Variants in ME3 observed in about 807,000 individuals in gnomAD.
The protein encoded by ME3 is malic enzyme 3.
In ME3, 48 loss-of-function variants were observed where a neutral mutation model predicts 68.9. The observed-to-expected ratio is 0.70, with a 90% CI of 0.55 to 0.89. The LOEUF is 0.89. Among genes scored for constraint, ME3 ranks in the 40% least tolerant of loss-of-function variants. The pLI is 0.00. For missense variants in ME3, 675 were observed against 797.4 expected (o/e 0.85, Z 1.85); for synonymous variants, 320 against 318.8 (o/e 1.00, Z -0.04).
At chr11:86,639,387 T>A (rs1054197280) in intron 2 of ME3, among the ~76,000 whole-genome samples, 2 of 152,214 alleles carry the variant, frequency 1.3e-5, no homozygotes, top group Non-Finnish European at 2.9e-5. Flanking sequence ...AGTGCTCAGT[T>A]TCTTGAAACA....
intron 7 of ME3, among the ~76,000 whole-genome samples, chr11:86,471,965 G>A (rs543181785): frequency 6.6e-6 from 1 of 152,324 alleles, no homozygotes; most frequent in African/African-American, 2.4e-5. Context: ...ATATGTGCCA[G>A]GTACATGGGA....
At chr11:86,454,395 C>T (rs966127348) in intron 8 of ME3, among the ~76,000 whole-genome samples, 15 of 152,122 alleles carry the variant, frequency 9.9e-5, no homozygotes, top group African/African-American at 3.6e-4. Flanking sequence ...TGGAAATAAC[C>T]TACACATCTA....
At chr11:86,574,929 A>C (rs1017840472) in intron 2 of ME3, among the ~76,000 whole-genome samples, 1 of 117,920 alleles carries the variant, frequency 8.5e-6, no homozygotes, top group African/African-American at 4.0e-5. Flanking sequence ...GTATCTGCAA[A>C]TTCCAAGGAT....
chr11:86,476,266 A>C (rs757379754), intron 7 of ME3, among the ~76,000 whole-genome samples: 2 of 152,208 alleles, frequency 1.3e-5, no homozygotes, highest in Non-Finnish European at 2.9e-5. Flanking sequence ...TGAAAATGAA[A>C]GGACATTCAA....
In ME3 at chr11:86,499,858, T is replaced by C. The variant is rs947381538; in HGVS notation, c.544-1734A>G. Among the ~76,000 whole-genome samples, 11 of 152,316 alleles carry C rather than the reference T, an allele frequency of 7.2e-5. No homozygotes were observed. In the East Asian group the frequency reaches 1.9e-3, roughly 27 times the overall value. On this transcript the variant is annotated intron_variant, in intron 5 of 14. Transcript: ENST00000543262. ...TGAGCAAACAGAAGCTCAAGACCTT[T>C]ATTTTCTCCATATATTTGTTAAGTG...
intron 2 of ME3, among the ~76,000 whole-genome samples, chr11:86,564,426 T>TA (rs1190550869): frequency 7.8e-5 from 11 of 141,544 alleles, no homozygotes; most frequent in East Asian, 6.1e-4. Context: ...TCTTTTTTTT[T>TA]AAAAAGGGAC....
In ME3 at chr11:86,671,917, G is replaced by A. The variant is rs760751118; in HGVS notation, c.28C>T (p.Arg10Trp). The stretch of plus-strand genomic sequence containing the variant: ...GCCCGGCCCGGCCAGGGAGCCAGCC[G>A]CGTGCCTGTCCCCAGCGCGGCACCC... The change falls in exon 2 of 15, where the codon CGG (arginine) becomes TGG (tryptophan). Residue 10 changes from arginine to tryptophan, a missense_variant. Transcript: ENST00000543262. 181 of 1,443,244 alleles carry A rather than the reference G, an allele frequency of 1.3e-4. No individual in the cohort carries two copies. The highest frequency in any genetic ancestry group is 1.9e-4 in the Middle Eastern group (1 of 5,184). The allele number at this position is 1,443,244 out of a possible 1,614,324, so 89.4% of individuals were successfully genotyped here. A position where few individuals can be genotyped will look rare whatever the true frequency, so the allele number is the denominator to read the frequency against.
intron 13 of ME3, among the ~76,000 whole-genome samples, chr11:86,444,981 T>C (rs1949202839): frequency 6.6e-6 from 1 of 152,162 alleles, no homozygotes; most frequent in Admixed American, 6.5e-5. Flanking sequence ...ATGTTGGAGC[T>C]GAACTGTCTC....
At chr11:86,659,829 GTAGA>G (rs1342274972) in intron 2 of ME3, among the ~76,000 whole-genome samples, 3 of 152,186 alleles carry the variant, frequency 2.0e-5, no homozygotes, top group East Asian at 1.9e-4. Context: ...AGGCAGGAAG[GTAGA>G]TAGAGACATA....
intron 7 of ME3, among the ~76,000 whole-genome samples, chr11:86,480,443 C>CA (rs1327560911): frequency 3.1e-4 from 47 of 152,334 alleles, no homozygotes; most frequent in African/African-American, 1.1e-3. Context: ...TGTACTTTCA[C>CA]AGGAAGCCAT....
intron 8 of ME3, among the ~76,000 whole-genome samples, chr11:86,462,985 T>G (rs1950298802): frequency 6.6e-6 from 1 of 151,830 alleles, no homozygotes; most frequent in South Asian, 2.1e-4. Flanking sequence ...AGGAGTAAAA[T>G]AAAGGGAAGG....
chr11:86,575,323 T>C (rs979700482), intron 2 of ME3, among the ~76,000 whole-genome samples: 2 of 146,818 alleles, frequency 1.4e-5, no homozygotes, highest in Admixed American at 6.7e-5. Context: ...GGGTCCACTT[T>C]AGCTAATGTT....
chr11:86,523,720 G>C (rs2139204776), intron 4 of ME3, among the ~76,000 whole-genome samples: 1 of 152,192 alleles, frequency 6.6e-6, no homozygotes, highest in East Asian at 1.9e-4. Context: ...TAAAAATCGT[G>C]AGTACATGGA....
intron 4 of ME3, among the ~76,000 whole-genome samples, chr11:86,541,377 A>T (rs1956038644): frequency 6.6e-6 from 1 of 152,240 alleles, no homozygotes; most frequent in Non-Finnish European, 1.5e-5. Flanking sequence ...CACAGAGCCC[A>T]GCAAGCTAAG....
intron 4 of ME3, among the ~76,000 whole-genome samples, chr11:86,523,873 A>T (rs564311561): frequency 3.8e-4 from 58 of 152,316 alleles, no homozygotes; most frequent in Non-Finnish European, 7.6e-4. Context: ...TCACTTCAGA[A>T]TCTAAAAATT....
chr11:86,556,651 T>C, exon 4 of ME3: 1 of 1,614,094 alleles, frequency 6.2e-7, no homozygotes, highest in Non-Finnish European at 8.5e-7. Flanking sequence ...AAGTCAGCAC[T>C]CGGTAGAAGA....
chr11:86,595,320 G>GAGAGAGAGACAGAGAGAC lies in ME3; in HGVS notation c.184-35498_184-35497insGTCTCTCTGTCTCTCTCT, dbSNP rs1554995999. On this transcript the variant is annotated intron_variant, in intron 2 of 14. Coordinates refer to ENST00000543262, the Ensembl canonical transcript of ME3. Reference sequence around the variant, plus strand: ...ATATATATATATAGAGAGAGAGAGAGAGAGAGAGAGAGCTTATTATGTATC... The same window carrying GAGAGAGAGACAGAGAGAC: ...ATATATATATATAGAGAGAGAGAGAGAGAGAGAGACAGAGAGACAGAGAGAGAGAGCTTATTATGTATC... 7.2e-5 allele frequency among the ~76,000 whole-genome samples: 10 copies of GAGAGAGAGACAGAGAGAC among 138,642 alleles called. 1 individual carries two copies. Among genetic ancestry groups the GAGAGAGAGACAGAGAGAC allele is most frequent in the African/African-American group, 2.7e-4 (10 of 36,474 alleles). The allele number at this position is 138,642 out of a possible 152,430, so 91.0% of individuals were successfully genotyped here.
intron 4 of ME3, among the ~76,000 whole-genome samples, chr11:86,519,821 C>A (rs1036118584): frequency 1.3e-5 from 2 of 152,206 alleles, no homozygotes; most frequent in African/African-American, 4.8e-5. Context: ...GCCTGGAGGG[C>A]AGAACTGGAG....
intron 2 of ME3, among the ~76,000 whole-genome samples, chr11:86,607,573 T>TA (rs1379424183): frequency 6.6e-6 from 1 of 151,558 alleles, no homozygotes; most frequent in Non-Finnish European, 1.5e-5. Flanking sequence ...TGCAGAATCT[T>TA]AGAGTGGGAG....
Sources: gnomAD v4.1 joint callset for allele counts (sites outside exome capture counted in the v4.1 genomes callset) on GRCh38, gnomAD v4.1.1 for gene constraint, MANE v1.5 for transcripts, NCBI Gene and HGNC (gene_info 2026-07-23, HGNC 2026-07-21) for gene names.